STAG3: variants seen among roughly 807,000 people sequenced by gnomAD.
STAG3 encodes STAG3 cohesin complex component, also known as cohesin subunit SA-3.
In STAG3, 101 loss-of-function variants were observed where a neutral mutation model predicts 160.7. That is an observed-to-expected ratio of 0.63 (90% CI 0.54 to 0.74). The LOEUF (loss-of-function observed/expected upper bound fraction) is 0.74, where lower values mean the gene tolerates loss of function less well. Among genes scored for constraint, STAG3 ranks in the 30% least tolerant of loss-of-function variants. The probability of loss-of-function intolerance (pLI) is 0.00; values close to 1 mark genes in which losing one functional copy is unlikely to be tolerated. For missense variants in STAG3, 1,188 were observed against 1,517.4 expected (o/e 0.78, Z 3.61); for synonymous variants, 519 against 585.0 (o/e 0.89, Z 1.63).
At chr7:100,213,146 C>A (rs1802416389) in intron 32 of STAG3, 2 of 228,410 alleles carry the variant, frequency 8.8e-6, no homozygotes, top group African/African-American at 2.3e-5. Context: ...GGAGGAGAAA[C>A]AGCAAGCTAG....
At position 100,204,679 on chromosome 7, in the gene STAG3, C is replaced by T. The variant is rs1801463323; in HGVS notation, c.2855C>T (p.Pro952Leu). 5 of 1,614,184 alleles carry T rather than the reference C, an allele frequency of 3.1e-6. No homozygotes were observed. Among genetic ancestry groups the T allele is most frequent in the Non-Finnish European group, 3.4e-6 (4 of 1,180,038 alleles). ...GGGCCCCAGGGCCTGAATGAGCTTC[C>T]TGCCTTCATCGAGATGAGGGACCTG... is the stretch of plus-strand genomic sequence containing the variant. ...EHGPQGLNEL[P>L]AFIEMRDLAR... The change falls in exon 27 of 34, where the codon CCT becomes CTT. Residue 952 changes from proline (P) to leucine (L), a missense_variant. Physicochemically the swap from Pro to Leu is moderately conservative, Grantham distance 98. This residue lies in a region of STAG3 where 647 missense variants were observed against 717.2 expected (regional missense o/e 0.90). Transcript: ENST00000615138.
intron 31 of STAG3, 44 bp downstream of exon 31, chr7:100,211,583 G>A (rs1563008705): frequency 8.8e-6 from 14 of 1,598,804 alleles, no homozygotes; most frequent in Middle Eastern, 3.4e-4. Flanking sequence ...CAGATCTGTC[G>A]CCCACTGTGA....
At chr7:100,184,501 T>C (rs66809776) in intron 4 of STAG3, among the ~76,000 whole-genome samples, 62,151 of 129,596 alleles carry the variant, frequency 0.48, 15,440 homozygotes, top group East Asian at 0.66. Flanking sequence ...CGGAGTCTTG[T>C]TCTGTCGCCA....
chr7:100,190,601 A>C (rs1443868107), intron 8 of STAG3, among the ~76,000 whole-genome samples: 1 of 151,866 alleles, frequency 6.6e-6, no homozygotes, highest in Admixed American at 6.6e-5. Context: ...TATCATTATA[A>C]TTCCCCCATT....
At position 100,211,538 on chromosome 7, in the gene STAG3, C is replaced by T. The variant is rs767323706; in HGVS notation, c.3517C>T (p.Arg1173Ter). ...TCCTGGCCTGGGCAACCAGCTGATG[C>T]GGTGAGCTTTTCTCATCATCTCCTG... ...SGPGLGNQLM[R>*]LSLMEEDEEE... Residue 1173 changes from arginine to a stop codon, truncating the protein, a stop_gained and splice_region_variant, in exon 31 of 34, where the codon CGA becomes TGA. Transcript: ENST00000615138. LOFTEE classifies it high-confidence loss of function. 6 of 1,613,554 alleles carry T rather than the reference C, an allele frequency of 3.7e-6. No homozygotes were observed. The highest frequency in any genetic ancestry group is 1.1e-5 in the South Asian group (1 of 91,040).
intron 9 of STAG3, 151 bp downstream of exon 9, chr7:100,195,533 T>C (rs1399117560): frequency 4.4e-6 from 3 of 675,254 alleles, no homozygotes; most frequent in South Asian, 3.9e-5. Context: ...AACAAATGTT[T>C]CAAATTGGTG....
At position 100,213,704 on chromosome 7, in the gene STAG3, C is replaced by T. The variant is rs530751343; in HGVS notation, c.3601-31C>T. On this transcript the variant is annotated intron_variant, in intron 32 of 33. Transcript: ENST00000615138. ...GCGAAGTGACAGGAGTGTGTAAAGG[C>T]CTTTTTGACTTTTAACCTCATTCTC... The T allele has an allele frequency of 5.6e-6, 9 of 1,614,052 alleles. No homozygotes were observed. In the Admixed American group the frequency reaches 1.0e-4, roughly 18 times the overall value.
intron 29 of STAG3, 107 bp from the exon 30 acceptor site, chr7:100,210,904 T>G: frequency 8.0e-7 from 1 of 1,245,254 alleles, no homozygotes; most frequent in Non-Finnish European, 1.1e-6. Flanking sequence ...AGTTTTCCAT[T>G]CTCTTCCTGA....
chr7:100,216,830 A>T (rs1802792924), downstream of STAG3, among the ~76,000 whole-genome samples: 1 of 152,158 alleles, frequency 6.6e-6, no homozygotes, highest in South Asian at 2.1e-4. Flanking sequence ...AACTGCCAGG[A>T]GTACCTCTCA....
At chr7:100,214,714 C>T (rs879349283), downstream of STAG3, among the ~76,000 whole-genome samples, 1 of 152,100 alleles carries the variant, frequency 6.6e-6, no homozygotes, top group Non-Finnish European at 1.5e-5. Context: ...AGCCTTCACC[C>T]ACGGGTTCTT....
In STAG3 at chr7:100,186,263, G is replaced by T; in HGVS notation, c.400G>T (p.Val134Phe). 6.2e-7 allele frequency: 1 copy of T among 1,614,116 alleles called. No homozygotes were observed. The highest frequency in any genetic ancestry group is 8.5e-7 in the Non-Finnish European group (1 of 1,179,996). ...CCAGGATGCAGGATTTCTGGAGCTT[G>T]TTAACTTTTTCATCCAATCTTGCGG... ...QDQDAGFLEL[V>F]NFFIQSCGCK... Residue 134 changes from valine to phenylalanine, a missense_variant, in exon 5 of 34, where the codon GTT becomes TTT. Around this residue, in one of 4 missense-constraint regions of STAG3, gnomAD observed 296 missense variants for 404.0 expected, o/e 0.73. Coordinates refer to ENST00000615138, the MANE Select transcript of STAG3 (RefSeq NM_001282717.2).
chr7:100,211,746 G>A (rs138558778), intron 31 of STAG3, 49 bp from the exon 32 acceptor site: 2 of 1,595,310 alleles, frequency 1.3e-6, no homozygotes, highest in Non-Finnish European at 1.7e-6. Flanking sequence ...AACTCTCAGG[G>A]GTCCTCAAAG....
At chr7:100,189,787 T>C (rs1800246266) in intron 8 of STAG3, among the ~76,000 whole-genome samples, 191 bp downstream of exon 8, 1 of 152,188 alleles carries the variant, frequency 6.6e-6, no homozygotes, top group Non-Finnish European at 1.5e-5. Context: ...GCTCAACAAA[T>C]AATGTGTAAT....
intron 5 of STAG3, among the ~76,000 whole-genome samples, chr7:100,186,880 C>T (rs1321731431): frequency 6.6e-6 from 1 of 152,184 alleles, no homozygotes; most frequent in Non-Finnish European, 1.5e-5. Context: ...CTTTGTTTCC[C>T]AGCTACTTTG....
At chr7:100,195,987 G>T (rs1800658435) in intron 9 of STAG3, among the ~76,000 whole-genome samples, 1 of 152,006 alleles carries the variant, frequency 6.6e-6, no homozygotes, top group Non-Finnish European at 1.5e-5. Flanking sequence ...AAATTAGCCG[G>T]GTGTGGTGGC....
At chr7:100,182,546 AAAAT>A (rs1201735424) in intron 3 of STAG3, among the ~76,000 whole-genome samples, 173 bp from the exon 4 acceptor site, 4 of 152,172 alleles carry the variant, frequency 2.6e-5, no homozygotes, top group Admixed American at 6.5e-5. Context: ...TTAAGGGAAA[AAAAT>A]AAACTTCATA....
chr7:100,205,150 A>C lies in STAG3; in HGVS notation c.3080+17A>C. 6.2e-7 allele frequency: 1 copy of C among 1,613,882 alleles called. No individual in the cohort carries two copies. Among genetic ancestry groups the C allele is most frequent in the Non-Finnish European group, 8.5e-7 (1 of 1,179,884 alleles). The stretch of plus-strand genomic sequence containing the variant: ...GCAGCTTTTGTAAGTTGGTGGGTGG[A>C]TAGAGATGTGGATTAGGGAAGGGCC... On this transcript the variant is annotated intron_variant, in intron 28 of 33. Coordinates refer to ENST00000615138, the MANE Select transcript of STAG3 (RefSeq NM_001282717.2).
intron 2 of STAG3, 148 bp downstream of exon 2, chr7:100,180,820 C>T (rs754876880): frequency 2.7e-5 from 16 of 588,860 alleles, no homozygotes; most frequent in East Asian, 2.3e-4. Context: ...CTCCCTCCAG[C>T]TCCAGGTGTT....
In STAG3 at chr7:100,184,463, G is replaced by GGTT. The variant is rs71126310; in HGVS notation, c.336+1624_336+1625insGTT. On this transcript the variant is annotated intron_variant, in intron 4 of 33. Coordinates refer to ENST00000615138, the MANE Select transcript of STAG3 (RefSeq NM_001282717.2). ...TTATATGCAGTTGTACAGCGTGTTAGTTTTTTTTTTTTTTTTTTTTTTTGA... is the reference window on the plus strand; with the variant it reads ...TTATATGCAGTTGTACAGCGTGTTAGGTTTTTTTTTTTTTTTTTTTTTTTTTGA... Among the ~76,000 whole-genome samples, 516 of 98,606 alleles carry GGTT rather than the reference G, an allele frequency of 5.2e-3. 31 individuals are homozygous for GGTT. Among genetic ancestry groups the GGTT allele is most frequent in the East Asian group, 0.011 (31 of 2,860 alleles). 64.7% of individuals were successfully genotyped at this position (98,606 alleles called of 152,430 possible).
Sources: gnomAD v4.1 joint callset for allele counts (sites outside exome capture counted in the v4.1 genomes callset) on GRCh38, gnomAD v4.1.1 for gene constraint, gnomAD v4.1.1 regional missense constraint, MANE v1.5 for transcripts, NCBI Gene and HGNC (gene_info 2026-07-23, HGNC 2026-07-21) for gene names.